The following ORC3 variants were observed in gnomAD, a reference collection of about 807,000 sequenced individuals.
The protein encoded by ORC3 is homolog of latheo, Drosophila.
Under a neutral mutation model 100.7 loss-of-function variants are expected in ORC3, and 78 were observed. The observed-to-expected ratio is 0.77, with a 90% CI of 0.65 to 0.94. ORC3 has a LOEUF of 0.94. Ranked by LOEUF, ORC3 falls within the 40% of genes least tolerant of loss-of-function variation. ORC3 has a pLI of 0.00. For missense variants in ORC3, 789 were observed against 823.9 expected, an observed-to-expected ratio of 0.96 and a Z score of 0.52; for synonymous variants, 295 against 289.3, an observed-to-expected ratio of 1.02 and a Z score of -0.20.
At chr6:87,646,581 A>G (rs901479230) in intron 13 of ORC3, among the ~76,000 whole-genome samples, 1 of 152,234 alleles carries the variant, frequency 6.6e-6, no homozygotes, top group Non-Finnish European at 1.5e-5. Flanking sequence ...AGTTTGATCA[A>G]AGTCACCAGT....
chr6:87,677,093 AAAAATTAAAAAC>A, the ORC3 span, among the ~76,000 whole-genome samples: 1 of 151,974 alleles, frequency 6.6e-6, no homozygotes, highest in African/African-American at 2.4e-5. Flanking sequence ...AAAAAAAAAA[AAAAATTAAAAAC>A]AAAGGACTTT....
chr6:87,675,537 G>A, the ORC3 span: 1 of 1,597,412 alleles, frequency 6.3e-7, no homozygotes, highest in South Asian at 1.1e-5. Context: ...TGTCATAATT[G>A]GGACCTCTTG....
Position 87,636,453 on chromosome 6 carries a change from C to T in ORC3, c.1349C>T (p.Ser450Leu), listed in dbSNP as rs906121459. 6.2e-7 allele frequency: 1 copy of T among 1,611,950 alleles called. No individual in the cohort carries two copies. Among genetic ancestry groups the T allele is most frequent in the African/African-American group, 1.3e-5 (1 of 74,968 alleles). ...CTCLEKNIWD[S>L]EEYASVLQLL... ...TGTTTAGAAAAGAACATATGGGATT[C>T]AGAGGAGTATGCATCAGTCTTGCAG... The change falls in exon 13 of 20, where the codon TCA (serine) becomes TTA (leucine). Residue 450 changes from serine to leucine, a missense_variant. Physicochemically the swap from Ser to Leu is moderately radical, Grantham distance 145 (BLOSUM62 -2). This residue lies in a region of ORC3 where 366 missense variants were observed against 394.2 expected (regional missense o/e 0.93). Transcript: ENST00000392844.
Position 87,603,391 on chromosome 6 carries a change from A to C in ORC3, c.185A>C (p.Gln62Pro). The change falls in exon 4 of 20, where the codon CAA becomes CCA. Residue 62 changes from glutamine (Q) to proline (P), a missense_variant. Physicochemically the swap from Gln to Pro is moderately conservative, Grantham distance 76. Around this residue, in one of 3 missense-constraint regions of ORC3, gnomAD observed 399 missense variants for 382.0 expected, o/e 1.04. Coordinates refer to ENST00000392844, the MANE Select transcript of ORC3 (RefSeq NM_012381.4). ...TTTGTGTGTTCTTTGTAGCGACTACAAGAGGAATTAAATAAAAACTTGTTT... is the reference window on the plus strand; with the variant it reads ...TTTGTGTGTTCTTTGTAGCGACTACCAGAGGAATTAAATAAAAACTTGTTT... ...QQMKSENERLQEELNKNLFDN... is the reference protein window; with the variant it reads ...QQMKSENERLPEELNKNLFDN... The C allele has an allele frequency of 3.4e-6, 5 of 1,482,330 alleles. No homozygotes were observed. The highest frequency in any genetic ancestry group is 4.6e-6 in the Non-Finnish European group (5 of 1,087,780). 91.8% of individuals were successfully genotyped at this position (1,482,330 alleles called of 1,614,324 possible).
chr6:87,599,291 G>A (rs1777699897), intron 2 of ORC3, among the ~76,000 whole-genome samples: 1 of 152,038 alleles, frequency 6.6e-6, no homozygotes, highest in Non-Finnish European at 1.5e-5. Context: ...ACCTATTAAT[G>A]TAAAGTGACT....
chr6:87,611,505 G>A (rs1018863869), intron 7 of ORC3, among the ~76,000 whole-genome samples: 1 of 152,054 alleles, frequency 6.6e-6, no homozygotes, highest in African/African-American at 2.4e-5. Flanking sequence ...ATAATCTTCG[G>A]CCCGGGCATG....
rs34088426 is a variant in ORC3 at position 87,654,190 on chromosome 6, TAAAA to T, written c.1516+943_1516+946del. Among the ~76,000 whole-genome samples the T allele has an allele frequency of 7.9e-5, 12 of 152,306 alleles. No homozygotes were observed. The East Asian group carries it at 2.1e-3, about 27-fold the overall frequency. On this transcript the variant is annotated intron_variant, in intron 14 of 19. Transcript: ENST00000392844. ...ATGTTTGGCAAGTGCTTCTTTGTCT[TAAAA>T]ATCTTTTGGCTTTAGGAAACTGCTT...
chr6:87,650,061 CT>C (rs565491984), intron 13 of ORC3, among the ~76,000 whole-genome samples: 154 of 122,616 alleles, frequency 1.3e-3, no homozygotes, highest in Non-Finnish European at 1.3e-3. Flanking sequence ...TTTACACTCT[CT>C]TTTTTTTTTT....
intron 2 of ORC3, among the ~76,000 whole-genome samples, chr6:87,599,290 T>A (rs1179677422): frequency 6.6e-6 from 1 of 152,172 alleles, no homozygotes; most frequent in Admixed American, 6.5e-5. Context: ...TACCTATTAA[T>A]GTAAAGTGAC....
chr6:87,655,621 G>C (rs1769619990), intron 14 of ORC3, among the ~76,000 whole-genome samples: 2 of 151,582 alleles, frequency 1.3e-5, no homozygotes, highest in Non-Finnish European at 2.9e-5. Flanking sequence ...CCAAAGTGTT[G>C]AGATTATAGG....
chr6:87,615,160 AAG>A (rs1444715353), intron 8 of ORC3, among the ~76,000 whole-genome samples: 1 of 152,162 alleles, frequency 6.6e-6, no homozygotes, highest in Non-Finnish European at 1.5e-5. Context: ...GTAGCAGGCA[AAG>A]AGAGAGAGCT....
In ORC3 at chr6:87,622,019, A is replaced by G. The variant is rs1352038041; in HGVS notation, c.1185+6A>G. On this transcript the variant is annotated splice_donor_region_variant and intron_variant, in intron 11 of 19. Coordinates refer to ENST00000392844, the MANE Select transcript of ORC3 (RefSeq NM_012381.4). ...CCAATGAGAGATATTTGAAGGTAGGAATGTGAATGTGTTTCAGTTTCATTC... is the reference window on the plus strand; with the variant it reads ...CCAATGAGAGATATTTGAAGGTAGGGATGTGAATGTGTTTCAGTTTCATTC... 6.3e-7 allele frequency: 1 copy of G among 1,578,054 alleles called. No homozygotes were observed. Among genetic ancestry groups the G allele is most frequent in the Non-Finnish European group, 8.7e-7 (1 of 1,150,178 alleles).
At chr6:87,676,186 C>A in the ORC3 span, among the ~76,000 whole-genome samples, 1 of 151,886 alleles carries the variant, frequency 6.6e-6, no homozygotes, top group South Asian at 2.1e-4. Context: ...AGGCTGGGAC[C>A]GGGTGCGGTG....
chr6:87,604,226 A>T (rs1778173009), intron 4 of ORC3, among the ~76,000 whole-genome samples: 1 of 152,210 alleles, frequency 6.6e-6, no homozygotes, highest in Non-Finnish European at 1.5e-5. Flanking sequence ...CTTTCAATTT[A>T]TTCAAGATTT....
chr6:87,605,354 A>T (rs1778251227), intron 4 of ORC3, among the ~76,000 whole-genome samples: 1 of 152,140 alleles, frequency 6.6e-6, no homozygotes, highest in Non-Finnish European at 1.5e-5. Context: ...TACTTCTAAG[A>T]TGTTTTCAAG....
chr6:87,646,119 CG>C, intron 13 of ORC3, among the ~76,000 whole-genome samples: 1 of 151,220 alleles, frequency 6.6e-6, no homozygotes, highest in Non-Finnish European at 1.5e-5. Flanking sequence ...CCTGAGTAGC[CG>C]GGACTACAGG....
chr6:87,594,563 G>A, intron 2 of ORC3, 156 bp downstream of exon 2: 2 of 1,311,710 alleles, frequency 1.5e-6, no homozygotes, highest in Non-Finnish European at 2.0e-6. Context: ...AGAGATAAGA[G>A]GACACCCCAG....
At chr6:87,625,651 A>G (rs1583072719) in intron 11 of ORC3, among the ~76,000 whole-genome samples, 1 of 152,020 alleles carries the variant, frequency 6.6e-6, no homozygotes, top group African/African-American at 2.4e-5. Context: ...TTGCCTGTTC[A>G]CTCTGATGAC....
chr6:87,616,714 A>C (rs569744018), intron 9 of ORC3, among the ~76,000 whole-genome samples: 1 of 152,072 alleles, frequency 6.6e-6, no homozygotes, highest in Non-Finnish European at 1.5e-5. Context: ...CGAGACTCTC[A>C]TGAGAGCTTA....
Sources: allele counts gnomAD v4.1 joint callset (sites outside exome capture counted in the v4.1 genomes callset), GRCh38; gene constraint gnomAD v4.1.1; regional missense constraint gnomAD v4.1.1; transcripts MANE v1.5; gene names NCBI Gene and HGNC (gene_info 2026-07-23, HGNC 2026-07-21).